Variants in HK2 observed in about 807,000 individuals in gnomAD.
HK2 encodes the protein hexokinase 2, also known as hexokinase-2.
In HK2, 42 loss-of-function variants were observed where a neutral mutation model predicts 92.9. The ratio of observed to expected loss-of-function variants is 0.45; its 90% CI spans 0.35 to 0.58. The LOEUF is 0.58. Among genes scored for constraint, HK2 ranks in the 20% least tolerant of loss-of-function variants. HK2 has a pLI of 0.00. For missense variants in HK2, 978 were observed against 1,245.1 expected (o/e 0.79, Z 3.23); for synonymous variants, 422 against 468.0 (o/e 0.90, Z 1.27).
At chr2:74,876,740 T>G (rs1689242391) in intron 7 of HK2, among the ~76,000 whole-genome samples, 1 of 152,236 alleles carries the variant, frequency 6.6e-6, no homozygotes, top group South Asian at 2.1e-4. Context: ...CTGATGAGTT[T>G]CTAGGCCTGT....
intron 12 of HK2, among the ~76,000 whole-genome samples, chr2:74,883,582 C>T (rs1689451774): frequency 6.6e-6 from 1 of 152,198 alleles, no homozygotes; most frequent in South Asian, 2.1e-4. Flanking sequence ...CTTGGCTTCA[C>T]TGAGTTTTGT....
chr2:74,862,362 C>G lies in HK2; in HGVS notation c.227-5274C>G, dbSNP rs563229893. Among the ~76,000 whole-genome samples the G allele has an allele frequency of 3.9e-5, 6 of 152,350 alleles. No homozygotes were observed. In the South Asian group the frequency reaches 6.2e-4, roughly 16 times the overall value. ...TCTTCTCTTACTAACCTAGGCCTAG[C>G]TGTTCAGCTCATTCAACAGTCCTCT... On this transcript the variant is annotated intron_variant, in intron 2 of 17. Coordinates refer to ENST00000290573, the MANE Select transcript of HK2 (RefSeq NM_000189.5).
At chr2:74,864,808 G>A (rs915355601) in intron 2 of HK2, among the ~76,000 whole-genome samples, 2 of 152,212 alleles carry the variant, frequency 1.3e-5, no homozygotes, top group African/African-American at 2.4e-5. Context: ...CACCCAGCCT[G>A]TGTGTTTCTA....
intron 1 of HK2, among the ~76,000 whole-genome samples, chr2:74,844,330 C>CATGA (rs1193866495): frequency 6.6e-6 from 1 of 152,192 alleles, no homozygotes; most frequent in Non-Finnish European, 1.5e-5. Context: ...GTTTGTGCAG[C>CATGA]ATGAACTCTT....
In HK2 at chr2:74,885,845, A is replaced by AACACACACACACACACAC. The variant is rs71406901; in HGVS notation, c.1935+280_1935+297dup. 2.5e-3 allele frequency among the ~76,000 whole-genome samples: 329 copies of AACACACACACACACACAC among 129,144 alleles called. 1 individual carries two copies. The highest frequency in any genetic ancestry group is 8.4e-3 in the East Asian group (37 of 4,384). The allele number at this position is 129,144 out of a possible 152,430, so 84.7% of individuals were successfully genotyped here. On this transcript the variant is annotated intron_variant, in intron 13 of 17. Transcript: ENST00000290573. ...TGGCAGGTGCTGTTAAGAGCTGTGA[A>AACACACACACACACACAC]ACACACACACACACACACACACACA... is the stretch of plus-strand genomic sequence containing the variant.
chr2:74,863,678 C>G (rs866219489), intron 2 of HK2, among the ~76,000 whole-genome samples: 1 of 152,096 alleles, frequency 6.6e-6, no homozygotes, highest in Non-Finnish European at 1.5e-5. Flanking sequence ...TCAGAGCAGT[C>G]CACTGTTGTG....
chr2:74,850,008 A>G (rs1688529685), intron 1 of HK2, among the ~76,000 whole-genome samples: 1 of 152,232 alleles, frequency 6.6e-6, no homozygotes, highest in Non-Finnish European at 1.5e-5. Flanking sequence ...AACTCCCAGC[A>G]GGCTGGATCA....
At chr2:74,888,683 T>C (rs896618133) in intron 16 of HK2, among the ~76,000 whole-genome samples, 5 of 152,212 alleles carry the variant, frequency 3.3e-5, no homozygotes, top group Non-Finnish European at 5.9e-5. Context: ...TAGAAAGATA[T>C]ATTCTAGCTT....
intron 4 of HK2, 58 bp from the exon 5 acceptor site, chr2:74,873,218 G>A (rs1410436595): frequency 5.6e-5 from 69 of 1,239,750 alleles, no homozygotes; most frequent in Non-Finnish European, 8.2e-5. Context: ...TTTGAGGGGT[G>A]TGGTGTGAGT....
intron 1 of HK2, among the ~76,000 whole-genome samples, chr2:74,846,237 G>A (rs1688431233): frequency 6.6e-6 from 1 of 152,200 alleles, no homozygotes; most frequent in African/African-American, 2.4e-5. Context: ...TCTTTGTTTG[G>A]CCTCTTTTGA....
intron 5 of HK2, 49 bp downstream of exon 5, chr2:74,873,420 C>A: frequency 8.0e-7 from 1 of 1,251,018 alleles, no homozygotes; most frequent in Non-Finnish European, 1.2e-6. Flanking sequence ...TCTGGGTCCA[C>A]CCTGAAGACT....
At chr2:74,874,549 C>A in intron 7 of HK2, 100 bp downstream of exon 7, 2 of 1,203,382 alleles carry the variant, frequency 1.7e-6, no homozygotes, top group African/African-American at 1.5e-5. Flanking sequence ...GTCTTACATC[C>A]CCAAAGCTTG....
intron 1 of HK2, among the ~76,000 whole-genome samples, chr2:74,839,003 G>A (rs1688240767): frequency 1.3e-5 from 2 of 152,150 alleles, no homozygotes; most frequent in Admixed American, 6.5e-5. Flanking sequence ...ATTTGCACTG[G>A]AATCCTGTAA....
chr2:74,835,086 C>G, intron 1 of HK2: 1 of 245,740 alleles, frequency 4.1e-6, no homozygotes, highest in Middle Eastern at 1.6e-3. Context: ...GGGGGCCGTC[C>G]GCGCTCGCGG....
At chr2:74,863,142 A>C (rs1688869450) in intron 2 of HK2, among the ~76,000 whole-genome samples, 1 of 152,198 alleles carries the variant, frequency 6.6e-6, no homozygotes, top group African/African-American at 2.4e-5. Flanking sequence ...CTTAAGAAAC[A>C]CTTCCTGGGT....
In HK2 at chr2:74,886,423, G is replaced by T. The variant is rs769351807; in HGVS notation, c.2035+30G>T. 5.5e-5 allele frequency: 89 copies of T among 1,613,658 alleles called. No individual in the cohort carries two copies. In the Middle Eastern group the frequency reaches 1.3e-3, roughly 24 times the overall value. ...GGACCCAGACTGTCCTTTCCACATG[G>T]GGATGCACAGCCTTGGGTGTGGAGG... On this transcript the variant is annotated intron_variant, in intron 14 of 17. Transcript: ENST00000290573.
intron 2 of HK2, among the ~76,000 whole-genome samples, chr2:74,865,845 C>T (rs11688305): frequency 0.17 from 26,234 of 152,018 alleles, 2,817 homozygotes; most frequent in Admixed American, 0.31. Flanking sequence ...GCCTAGAGCC[C>T]GGAGAGAGAG....
At chr2:74,885,646 C>T in intron 13 of HK2, 57 bp downstream of exon 13, 1 of 1,163,768 alleles carries the variant, frequency 8.6e-7, no homozygotes, top group Non-Finnish European at 1.3e-6. Context: ...TTGGCCTGGT[C>T]TGTGTGTTCA....
At chr2:74,839,372 C>G (rs1688250299) in intron 1 of HK2, among the ~76,000 whole-genome samples, 1 of 152,106 alleles carries the variant, frequency 6.6e-6, no homozygotes, top group African/African-American at 2.4e-5. Flanking sequence ...GAGTAAATTG[C>G]TGATTGAAAC....
Sources: allele counts gnomAD v4.1 joint callset (sites outside exome capture counted in the v4.1 genomes callset), GRCh38; gene constraint gnomAD v4.1.1; transcripts MANE v1.5; gene names NCBI Gene and HGNC (gene_info 2026-07-23, HGNC 2026-07-21).